The following TNFRSF19 variants were observed in gnomAD, a reference collection of about 807,000 sequenced individuals.
TNFRSF19 encodes the protein TNF receptor superfamily member 19.
A neutral mutation model predicts 46.4 loss-of-function variants in TNFRSF19; 27 were observed. The observed-to-expected ratio is 0.58, with a 90% CI of 0.43 to 0.80. The LOEUF is 0.80. Among genes scored for constraint, TNFRSF19 ranks in the 30% least tolerant of loss-of-function variants. The pLI is 0.00. For missense variants in TNFRSF19, 511 were observed against 530.8 expected (o/e 0.96, Z 0.37); for synonymous variants, 204 against 205.0 (o/e 1.00, Z 0.04).
chr13:23,593,979 T>TCA (rs1879508937), intron 3 of TNFRSF19, among the ~76,000 whole-genome samples: 1 of 152,090 alleles, frequency 6.6e-6, no homozygotes, highest in African/African-American at 2.4e-5. Context: ...GGGTGTCACT[T>TCA]CACCTGGGAA....
At chr13:23,620,285 A>AAGTCAGG (rs1428978440) in intron 4 of TNFRSF19, among the ~76,000 whole-genome samples, 1 of 152,216 alleles carries the variant, frequency 6.6e-6, no homozygotes, top group Non-Finnish European at 1.5e-5. Flanking sequence ...AGCAATGCAG[A>AAGTCAGG]AGTCAGGCAA....
Position 23,659,300 on chromosome 13 carries a change from G to A in TNFRSF19, c.610+86G>A. The A allele has an allele frequency of 6.9e-7, 1 of 1,440,592 alleles. No individual in the cohort carries two copies. Among genetic ancestry groups the A allele is most frequent in the African/African-American group, 1.4e-5 (1 of 71,204 alleles). 89.2% of individuals were successfully genotyped at this position (1,440,592 alleles called of 1,614,324 possible). ...CGTGCAAGTGTTCCACAAGAGACTT[G>A]GCTGAGACAAGCACCAGTGAGTTGT... On this transcript the variant is annotated intron_variant, in intron 6 of 9. Coordinates refer to ENST00000248484, the MANE Select transcript of TNFRSF19 (RefSeq NM_148957.4). This position sits in a 1 kb window ranked among gnomAD's most constrained non-coding sequence, Gnocchi z 4.9.
chr13:23,616,080 T>G, intron 4 of TNFRSF19, 35 bp downstream of exon 4: 1 of 1,551,830 alleles, frequency 6.4e-7, no homozygotes, highest in Non-Finnish European at 8.7e-7. Flanking sequence ...TGTAATTATT[T>G]AATTAAGTAA....
chr13:23,665,204 T>C (rs76567533), intron 7 of TNFRSF19, among the ~76,000 whole-genome samples: 1 of 152,324 alleles, frequency 6.6e-6, no homozygotes, highest in African/African-American at 2.4e-5. Context: ...TACAATACCG[T>C]GGACACTGTT....
At chr13:23,592,820 T>C (rs1879410749) in intron 2 of TNFRSF19, among the ~76,000 whole-genome samples, 2 of 152,246 alleles carry the variant, frequency 1.3e-5, no homozygotes, top group South Asian at 2.1e-4. Flanking sequence ...AAACGATAAT[T>C]GCGAAGTTCT....
chr13:23,644,773 T>C (rs932048740), intron 5 of TNFRSF19, among the ~76,000 whole-genome samples: 1 of 152,214 alleles, frequency 6.6e-6, no homozygotes, highest in African/African-American at 2.4e-5. Context: ...GGAAATAGGC[T>C]GGCCTGTATG....
chr13:23,630,551 C>A (rs1882294428), intron 5 of TNFRSF19, among the ~76,000 whole-genome samples: 1 of 152,082 alleles, frequency 6.6e-6, no homozygotes, highest in African/African-American at 2.4e-5. Flanking sequence ...TACTGACTGG[C>A]TGGGCATGGA....
At chr13:23,671,059 G>T (rs990922863) in intron 9 of TNFRSF19, among the ~76,000 whole-genome samples, 3 of 152,166 alleles carry the variant, frequency 2.0e-5, no homozygotes, top group Non-Finnish European at 2.9e-5. Flanking sequence ...TTTTTTCTGT[G>T]TATGTTGGTG....
intron 4 of TNFRSF19, among the ~76,000 whole-genome samples, chr13:23,623,792 A>G (rs1881826710): frequency 6.6e-6 from 1 of 152,178 alleles, no homozygotes; most frequent in Admixed American, 6.5e-5. Context: ...AGAAATGTCT[A>G]TTCAAGTCCC....
intron 5 of TNFRSF19, among the ~76,000 whole-genome samples, chr13:23,632,743 C>T (rs1270140379): frequency 1.3e-5 from 2 of 152,186 alleles, no homozygotes; most frequent in African/African-American, 4.8e-5. Flanking sequence ...ATCAAGAGGA[C>T]ACCTTTAAAT....
chr13:23,604,013 T>TA (rs200872169), intron 3 of TNFRSF19, among the ~76,000 whole-genome samples: 48 of 148,198 alleles, frequency 3.2e-4, no homozygotes, highest in African/African-American at 9.4e-4. Context: ...CAAGACAAAA[T>TA]AAAAAAAAAG....
chr13:23,617,131 C>T (rs939798116), intron 4 of TNFRSF19, among the ~76,000 whole-genome samples: 1 of 151,936 alleles, frequency 6.6e-6, no homozygotes, highest in Non-Finnish European at 1.5e-5. Context: ...GGGAAGAGCA[C>T]CGCAGACAGA....
At position 23,675,440 on chromosome 13, in the gene TNFRSF19, A is replaced by G. The variant is rs560657519; in HGVS notation, c.*2060A>G. On this transcript the variant is annotated 3_prime_UTR_variant, in exon 10 of 10. Coordinates refer to ENST00000248484, the MANE Select transcript of TNFRSF19 (RefSeq NM_148957.4). ...ACTGATGGGAATGAGACTTTGGCCA[A>G]AAATCCCAAAACATCATTTTCAATC... 10 of 152,358 alleles carry G rather than the reference A, an allele frequency of 6.6e-5. No individual in the cohort carries two copies. Among genetic ancestry groups the G allele is most frequent in the East Asian group, 5.8e-4 (3 of 5,188 alleles). 9.4% of individuals were successfully genotyped at this position (152,358 alleles called of 1,614,324 possible).
chr13:23,597,830 T>G (rs762137863), intron 3 of TNFRSF19, among the ~76,000 whole-genome samples: 11 of 152,060 alleles, frequency 7.2e-5, no homozygotes, highest in Non-Finnish European at 1.5e-4. Context: ...CTGATGAACA[T>G]CAATGCGAAA....
At chr13:23,577,465 C>T (rs561964745) in intron 1 of TNFRSF19, among the ~76,000 whole-genome samples, 1 of 152,316 alleles carries the variant, frequency 6.6e-6, no homozygotes, top group African/African-American at 2.4e-5. Flanking sequence ...CAAATCGGAA[C>T]AAAATATGCC....
At chr13:23,618,240 A>G (rs930036681) in intron 4 of TNFRSF19, among the ~76,000 whole-genome samples, 1 of 152,202 alleles carries the variant, frequency 6.6e-6, no homozygotes, top group African/African-American at 2.4e-5. Flanking sequence ...CTGGCAAATC[A>G]TATGTCTGGT....
intron 4 of TNFRSF19, among the ~76,000 whole-genome samples, chr13:23,622,533 A>G (rs576818992): frequency 6.6e-6 from 1 of 152,332 alleles, no homozygotes; most frequent in Admixed American, 6.5e-5. Context: ...TTTGGCAAAT[A>G]TATTCTCTTC....
At chr13:23,576,158 G>A (rs922646558) in intron 1 of TNFRSF19, among the ~76,000 whole-genome samples, 13 of 147,474 alleles carry the variant, frequency 8.8e-5, no homozygotes, top group African/African-American at 3.3e-4. Flanking sequence ...TTTTGAGACC[G>A]AGTCTTGCTC....
intron 1 of TNFRSF19, among the ~76,000 whole-genome samples, chr13:23,586,956 T>A (rs1231779753): frequency 6.6e-6 from 1 of 151,204 alleles, no homozygotes; most frequent in Admixed American, 6.6e-5. Flanking sequence ...AGAGAAACAG[T>A]TTCTCTGTAC....
Sources: allele counts gnomAD v4.1 joint callset (sites outside exome capture counted in the v4.1 genomes callset), GRCh38; gene constraint gnomAD v4.1.1; non-coding constraint Gnocchi (gnomAD v3.1); transcripts MANE v1.5; gene names NCBI Gene and HGNC (gene_info 2026-07-23, HGNC 2026-07-21).